The following GRM7 variants were observed in gnomAD, a reference collection of about 807,000 sequenced individuals.
GRM7 encodes metabotropic glutamate receptor 7.
In GRM7, 35 loss-of-function variants were observed where a neutral mutation model predicts 84.5. That is an observed-to-expected ratio of 0.41 (90% CI 0.32 to 0.55). The LOEUF is 0.55. GRM7 is among the 20% of genes least tolerant of loss of function. The pLI is 0.19. For missense variants in GRM7, 1,003 were observed against 1,194.6 expected, an observed-to-expected ratio of 0.84 and a Z score of 2.36; for synonymous variants, 487 against 455.1, an observed-to-expected ratio of 1.07 and a Z score of -0.89.
At chr3:7,080,866 G>A (rs1042826123) in intron 1 of GRM7, among the ~76,000 whole-genome samples, 2 of 152,112 alleles carry the variant, frequency 1.3e-5, no homozygotes, top group African/African-American at 4.8e-5. Flanking sequence ...GATAAGGCCT[G>A]ATATATCATT....
At chr3:7,719,526 C>G (rs564546658) in intron 9 of GRM7, among the ~76,000 whole-genome samples, 57 of 152,160 alleles carry the variant, frequency 3.7e-4, no homozygotes, top group African/African-American at 1.4e-3. Context: ...GAAATGGTAA[C>G]CTACAGCTGG....
At chr3:7,568,475 G>A (rs554748342) in intron 7 of GRM7, among the ~76,000 whole-genome samples, 89 of 152,360 alleles carry the variant, frequency 5.8e-4, no homozygotes, top group Non-Finnish European at 1.2e-3. Context: ...GCGCCTCCTC[G>A]GCCTTGGCGC....
intron 7 of GRM7, among the ~76,000 whole-genome samples, chr3:7,462,514 A>C (rs1480782990): frequency 6.6e-6 from 1 of 152,218 alleles, no homozygotes; most frequent in South Asian, 2.1e-4. Flanking sequence ...AAAATCCTTT[A>C]ATGTCCTTTG....
intron 2 of GRM7, among the ~76,000 whole-genome samples, chr3:7,187,832 ATCT>A (rs764863948): frequency 1.3e-5 from 2 of 152,116 alleles, no homozygotes; most frequent in African/African-American, 2.4e-5. Flanking sequence ...TCTTATGGTA[ATCT>A]TCTTCCTTCC....
intron 7 of GRM7, among the ~76,000 whole-genome samples, chr3:7,538,219 C>A (rs1309555783): frequency 1.3e-5 from 2 of 152,160 alleles, no homozygotes; most frequent in East Asian, 3.9e-4. Context: ...AAGTGATTCT[C>A]CTGCCTCAGC....
At position 7,177,774 on chromosome 3, in the gene GRM7, T is replaced by C. The variant is rs376440611; in HGVS notation, c.736+31106T>C. ...TAAACCTCTTTCTTAATGTATGTGC[T>C]TAGGACGAAGAGCAACACTTTCTTA... On this transcript the variant is annotated intron_variant, in intron 2 of 9. Coordinates refer to ENST00000357716, the MANE Select transcript of GRM7 (RefSeq NM_000844.4). 8.5e-5 allele frequency among the ~76,000 whole-genome samples: 13 copies of C among 152,314 alleles called. No individual in the cohort carries two copies. In the South Asian group the frequency reaches 2.7e-3, roughly 32 times the overall value.
intron 7 of GRM7, among the ~76,000 whole-genome samples, chr3:7,523,593 G>A (rs1365564754): frequency 6.6e-6 from 1 of 152,090 alleles, no homozygotes; most frequent in African/African-American, 2.4e-5. Flanking sequence ...TTAAATTTGA[G>A]GGAAACGAGC....
intron 1 of GRM7, among the ~76,000 whole-genome samples, chr3:6,899,451 G>A (rs1696309864): frequency 6.6e-6 from 1 of 152,176 alleles, no homozygotes; most frequent in African/African-American, 2.4e-5. Context: ...TGGAGGGCAT[G>A]TGATAATAAT....
intron 1 of GRM7, among the ~76,000 whole-genome samples, chr3:7,019,110 A>C (rs1380964198): frequency 6.6e-6 from 1 of 152,214 alleles, no homozygotes; most frequent in African/African-American, 2.4e-5. Context: ...AAAAAAATGA[A>C]TAAGTTTTGT....
At chr3:7,170,827 T>G (rs1405719643) in intron 2 of GRM7, among the ~76,000 whole-genome samples, 1 of 152,140 alleles carries the variant, frequency 6.6e-6, no homozygotes, top group Non-Finnish European at 1.5e-5. Context: ...ACCTACATGA[T>G]TCTGTATGAC....
chr3:7,046,293 G>A (rs1350403364), intron 1 of GRM7, among the ~76,000 whole-genome samples: 1 of 152,046 alleles, frequency 6.6e-6, no homozygotes, highest in African/African-American at 2.4e-5. Flanking sequence ...TCCCAGGTAC[G>A]CTTAAAGTAG....
intron 8 of GRM7, among the ~76,000 whole-genome samples, chr3:7,649,214 C>A (rs969103602): frequency 6.6e-5 from 10 of 151,920 alleles, no homozygotes; most frequent in African/African-American, 2.2e-4. Context: ...GGACTACAGG[C>A]ACCCACTACC....
At chr3:7,392,015 G>A (rs1439788959) in intron 4 of GRM7, among the ~76,000 whole-genome samples, 5 of 152,178 alleles carry the variant, frequency 3.3e-5, no homozygotes, top group East Asian at 1.9e-4. Flanking sequence ...GAGTTTTGGT[G>A]GTGCCACCTT....
chr3:6,895,357 G>A (rs558067597), intron 1 of GRM7, among the ~76,000 whole-genome samples: 1 of 152,250 alleles, frequency 6.6e-6, no homozygotes, highest in Non-Finnish European at 1.5e-5. Context: ...CTAGCTCTTT[G>A]AACAGGGAAC....
At chr3:7,415,350 A>G (rs149858908) in intron 5 of GRM7, among the ~76,000 whole-genome samples, 187 bp downstream of exon 5, 1 of 152,184 alleles carries the variant, frequency 6.6e-6, no homozygotes, top group Admixed American at 6.5e-5. Context: ...ACAAGAATGT[A>G]TTCTTTTCTG....
At chr3:7,426,276 C>A (rs546874365) in intron 5 of GRM7, among the ~76,000 whole-genome samples, 4 of 152,048 alleles carry the variant, frequency 2.6e-5, no homozygotes, top group African/African-American at 9.6e-5. Context: ...TGCGCCACCA[C>A]GCCCTGCTAA....
chr3:7,404,763 G>A (rs1379402217), intron 4 of GRM7, among the ~76,000 whole-genome samples: 1 of 151,556 alleles, frequency 6.6e-6, no homozygotes, highest in Admixed American at 6.6e-5. Context: ...GGAGATCATA[G>A]AAAGTTCTGA....
At chr3:7,408,665 G>A (rs1347868738) in intron 4 of GRM7, among the ~76,000 whole-genome samples, 1 of 152,222 alleles carries the variant, frequency 6.6e-6, no homozygotes, top group Admixed American at 6.5e-5. Context: ...AAGAGAGGCA[G>A]ACAAGAAACT....
intron 4 of GRM7, among the ~76,000 whole-genome samples, chr3:7,313,915 GGA>G (rs35959092): frequency 0.46 from 68,588 of 149,556 alleles, 16,322 homozygotes; most frequent in Non-Finnish European, 0.55. Context: ...GTTGTAAAAT[GGA>G]GAGAGAGAGA....
Sources: allele counts gnomAD v4.1 joint callset (sites outside exome capture counted in the v4.1 genomes callset), GRCh38; gene constraint gnomAD v4.1.1; transcripts MANE v1.5; gene names NCBI Gene and HGNC (gene_info 2026-07-23, HGNC 2026-07-21).